Variants in ADGRL2 observed in about 807,000 individuals in gnomAD.
ADGRL2 encodes calcium-independent alpha-latrotoxin receptor 2.
A neutral mutation model predicts 157.4 loss-of-function variants in ADGRL2; 44 were observed. The ratio of observed to expected loss-of-function variants is 0.28; its 90% CI spans 0.22 to 0.36. The LOEUF is 0.36. Ranked by LOEUF, ADGRL2 falls within the 10% of genes least tolerant of loss-of-function variation. The probability of loss-of-function intolerance (pLI) is 1.00; values close to 1 mark genes in which losing one functional copy is unlikely to be tolerated. For synonymous variants in ADGRL2, 585 were observed against 624.7 expected (o/e 0.94, Z 0.95); for missense variants, 1,510 against 1,768.9 (o/e 0.85, Z 2.63).
intron 3 of ADGRL2, chr1:81,586,045 A>G (rs973782914): frequency 2.0e-5 from 3 of 152,070 alleles, no homozygotes; most frequent in African/African-American, 2.4e-5. Context: ...AAACTAATTT[A>G]CCTTTTTTTA....
chr1:81,772,385 G>C (rs1182134726), intron 2 of ADGRL2, among the ~76,000 whole-genome samples: 1 of 151,892 alleles, frequency 6.6e-6, no homozygotes, highest in Non-Finnish European at 1.5e-5. Flanking sequence ...TTACTGACAT[G>C]GATTCTAATT....
At chr1:81,480,590 A>G (rs1557722093) in intron 2 of ADGRL2, among the ~76,000 whole-genome samples, 1 of 152,208 alleles carries the variant, frequency 6.6e-6, no homozygotes, top group Non-Finnish European at 1.5e-5. Context: ...ATAGCTGACC[A>G]TATTAGGGAA....
Position 81,761,270 on chromosome 1 carries a change from A to C in ADGRL2, c.-142-541A>C, listed in dbSNP as rs2085872814. Among the ~76,000 whole-genome samples, 3 of 151,938 alleles carry C rather than the reference A, an allele frequency of 2.0e-5. No individual in the cohort carries two copies. In the South Asian group the frequency reaches 6.2e-4, roughly 32 times the overall value. ...ATTTCTAAAGGTCTGAAATATCACT[A>C]TTGAGAAAATTCAAGCAAATCTCCT... On this transcript the variant is annotated intron_variant, in intron 1 of 20. Transcript: ENST00000359929.
chr1:81,958,749 C>T (rs12128691), intron 11 of ADGRL2, among the ~76,000 whole-genome samples: 4 of 152,158 alleles, frequency 2.6e-5, no homozygotes, highest in Non-Finnish European at 4.4e-5. Context: ...TCTGTGTCCT[C>T]AGATGGGCCC....
In ADGRL2 at chr1:81,537,204, C is replaced by G. The variant is rs550293491; in HGVS notation, c.-247-43672C>G. On this transcript the variant is annotated intron_variant, in intron 2 of 24. Coordinates refer to the ADGRL2 transcript ENST00000370721. ...GCATATAACTAGAAAAAAGCATCAT[C>G]CTATACCAGAAACACATACATCTGT... Among the ~76,000 whole-genome samples, 11 of 152,262 alleles carry G rather than the reference C, an allele frequency of 7.2e-5. No homozygotes were observed. In the South Asian group the frequency reaches 2.3e-3, roughly 32 times the overall value.
intron 2 of ADGRL2, among the ~76,000 whole-genome samples, chr1:81,775,549 T>A (rs2086546544): frequency 1.3e-5 from 2 of 151,456 alleles, no homozygotes; most frequent in African/African-American, 4.9e-5. Context: ...CTTGCATTTG[T>A]GGAGCATTCA....
At chr1:81,324,013 G>A (rs542329249) in intron 1 of ADGRL2, among the ~76,000 whole-genome samples, 32 of 152,272 alleles carry the variant, frequency 2.1e-4, no homozygotes, top group Middle Eastern at 6.8e-3. Context: ...AGAAGCTCCC[G>A]AAGAATTTAA....
intron 2 of ADGRL2, among the ~76,000 whole-genome samples, chr1:81,577,610 A>AT: frequency 6.6e-6 from 1 of 152,280 alleles, no homozygotes; most frequent in African/African-American, 2.4e-5. Context: ...CAGACAGGAC[A>AT]CTTTCCTTTC....
chr1:81,539,367 T>C lies in ADGRL2; in HGVS notation c.-247-41509T>C, dbSNP rs539504640. 2.2e-4 allele frequency among the ~76,000 whole-genome samples: 33 copies of C among 152,230 alleles called. No individual in the cohort carries two copies. In the Middle Eastern group the frequency reaches 0.01, roughly 47 times the overall value. Reference sequence around the variant, plus strand: ...GGACTGTAAAACGCATATTGACAGCTCTAGAGCTACAAGGCATGTTAGCAT... The same window carrying C: ...GGACTGTAAAACGCATATTGACAGCCCTAGAGCTACAAGGCATGTTAGCAT... On this transcript the variant is annotated intron_variant, in intron 2 of 24. Transcript: ENST00000370721.
chr1:81,547,429 G>A (rs964592556), intron 2 of ADGRL2, among the ~76,000 whole-genome samples: 1 of 152,098 alleles, frequency 6.6e-6, no homozygotes, highest in African/African-American at 2.4e-5. Context: ...CCAGGAATTG[G>A]TGAAAACTGG....
intron 3 of ADGRL2, among the ~76,000 whole-genome samples, chr1:81,662,554 T>A (rs9663080): frequency 1.4e-5 from 2 of 145,062 alleles, no homozygotes; most frequent in Non-Finnish European, 3.0e-5. Context: ...TCGTTCATTC[T>A]TTCTTTTTTT....
chr1:81,495,180 G>A (rs1008364467), intron 2 of ADGRL2, among the ~76,000 whole-genome samples: 6 of 152,060 alleles, frequency 3.9e-5, no homozygotes, highest in Admixed American at 6.6e-5. Context: ...TAATCATGGC[G>A]GATGTCATTA....
chr1:81,488,720 G>A (rs12096941), intron 2 of ADGRL2, among the ~76,000 whole-genome samples: 22,123 of 151,396 alleles, frequency 0.15, 2,996 homozygotes, highest in African/African-American at 0.36. Flanking sequence ...AAGGAGGAAA[G>A]TAAGTCCAGT....
At chr1:81,799,711 A>T (rs1217061523), upstream of ADGRL2, among the ~76,000 whole-genome samples, 1 of 152,220 alleles carries the variant, frequency 6.6e-6, no homozygotes, top group Non-Finnish European at 1.5e-5. Context: ...ATTGTTTCTG[A>T]AAGCAAAGCA....
At chr1:81,754,527 TTCTCTTTCTTTCTTTCCTTCTTTCTTTC>T (rs1218348490) in intron 1 of ADGRL2, among the ~76,000 whole-genome samples, 3 of 134,056 alleles carry the variant, frequency 2.2e-5, no homozygotes, top group African/African-American at 8.7e-5. Context: ...CCCTCCCTCT[TTCTCTTTCTTTCTTTCCTTCTTTCTTTC>T]TCTCTTTCTT....
At chr1:81,753,011 T>G (rs1357426338) in intron 1 of ADGRL2, among the ~76,000 whole-genome samples, 1 of 152,174 alleles carries the variant, frequency 6.6e-6, no homozygotes, top group Non-Finnish European at 1.5e-5. Context: ...TGTGTAAACT[T>G]GTAGTGAATT....
intron 3 of ADGRL2, among the ~76,000 whole-genome samples, chr1:81,658,720 T>A (rs1035165398): frequency 5.3e-5 from 8 of 152,198 alleles, no homozygotes; most frequent in Admixed American, 5.2e-4. Context: ...CTACTGTTAA[T>A]ATGCAACTAG....
chr1:81,825,657 C>CAAAAAAAAAA (rs71085375), intron 1 of ADGRL2, among the ~76,000 whole-genome samples: 1 of 86,754 alleles, frequency 1.2e-5, no homozygotes, highest in African/African-American at 4.1e-5. Context: ...ACCCTGTCTC[C>CAAAAAAAAAA]AAAAAAAAAA....
chr1:81,543,844 T>C (rs2079948769), intron 2 of ADGRL2, among the ~76,000 whole-genome samples: 1 of 152,210 alleles, frequency 6.6e-6, no homozygotes, highest in South Asian at 2.1e-4. Context: ...TCTAAACTCA[T>C]CTCCTTTTGC....
Sources: gnomAD v4.1 joint callset for allele counts (sites outside exome capture counted in the v4.1 genomes callset) on GRCh38, gnomAD v4.1.1 for gene constraint, MANE v1.5 for transcripts, NCBI Gene and HGNC (gene_info 2026-07-23, HGNC 2026-07-21) for gene names.